The following AGBL4 variants were observed in gnomAD, a reference collection of about 807,000 sequenced individuals.
The protein encoded by AGBL4 is AGBL carboxypeptidase 4.
In AGBL4, 58 loss-of-function variants were observed where a neutral mutation model predicts 66.4. The ratio of observed to expected loss-of-function variants is 0.87; its 90% confidence interval spans 0.71 to 1.09. The LOEUF is 1.09. Ranked by LOEUF, AGBL4 falls within the 50% of genes least tolerant of loss-of-function variation. The probability of loss-of-function intolerance (pLI) is 0.00; values close to 1 mark genes in which losing one functional copy is unlikely to be tolerated. For missense variants in AGBL4, 579 were observed against 631.0 expected (o/e 0.92, Z 0.88); for synonymous variants, 234 against 222.9 (o/e 1.05, Z -0.44).
intron 6 of AGBL4, chr1:48,761,305 C>T: frequency 6.5e-7 from 1 of 1,534,096 alleles, no homozygotes; most frequent in Non-Finnish European, 8.8e-7. Context: ...AATGCTCCAG[C>T]ATACCTCCAA....
chr1:48,609,754 A>T (rs907513182), intron 9 of AGBL4, among the ~76,000 whole-genome samples: 4 of 152,130 alleles, frequency 2.6e-5, no homozygotes, highest in African/African-American at 9.7e-5. Context: ...TTATTTCATG[A>T]TCTTCTCCAT....
chr1:49,616,078 T>C (rs1489108184), intron 3 of AGBL4, among the ~76,000 whole-genome samples: 1 of 152,098 alleles, frequency 6.6e-6, no homozygotes, highest in Non-Finnish European at 1.5e-5. Flanking sequence ...GGAGAAAAGG[T>C]GGTGGGAAGG....
chr1:49,485,556 A>C (rs1647048963), intron 3 of AGBL4, among the ~76,000 whole-genome samples: 1 of 151,556 alleles, frequency 6.6e-6, no homozygotes, highest in Admixed American at 6.6e-5. Flanking sequence ...ATGTATACAT[A>C]TGTAACTAAC....
At chr1:49,019,197 C>T (rs1376367796) in intron 5 of AGBL4, among the ~76,000 whole-genome samples, 1 of 152,172 alleles carries the variant, frequency 6.6e-6, no homozygotes, top group East Asian at 1.9e-4. Context: ...TGTGGAAAAA[C>T]TCTGCTCTTG....
intron 3 of AGBL4, among the ~76,000 whole-genome samples, chr1:49,271,252 C>A (rs1644051517): frequency 6.6e-6 from 1 of 152,036 alleles, no homozygotes; most frequent in South Asian, 2.1e-4. Flanking sequence ...AATAGATGGT[C>A]AGTTAAGAAG....
chr1:49,612,521 C>A (rs967535597), intron 3 of AGBL4, among the ~76,000 whole-genome samples: 6 of 151,986 alleles, frequency 3.9e-5, no homozygotes, highest in African/African-American at 1.2e-4. Context: ...GGAACTTAAG[C>A]AAATCAAACA....
intron 1 of AGBL4, among the ~76,000 whole-genome samples, chr1:49,931,692 A>T (rs1653380688): frequency 6.6e-6 from 1 of 152,192 alleles, no homozygotes; most frequent in African/African-American, 2.4e-5. Context: ...AATTTTCCAA[A>T]AATTGATCTA....
chr1:48,577,629 A>G (rs760173593), intron 11 of AGBL4, among the ~76,000 whole-genome samples: 1 of 152,110 alleles, frequency 6.6e-6, no homozygotes, highest in Non-Finnish European at 1.5e-5. Flanking sequence ...GCACATTTTG[A>G]TCTGGAGGTG....
chr1:48,961,406 A>G (rs1657965468), intron 5 of AGBL4, among the ~76,000 whole-genome samples: 1 of 152,164 alleles, frequency 6.6e-6, no homozygotes, highest in Admixed American at 6.5e-5. Flanking sequence ...CAAGCAATTG[A>G]TTTTCACAAT....
chr1:49,514,781 T>C lies in AGBL4; in HGVS notation c.282+182532A>G, dbSNP rs374460729. ...TGACAAACCTGACAAAAACAAGCAA[T>C]AGGGAAACGATTCCCAATTTAATAA... On this transcript the variant is annotated intron_variant, in intron 3 of 13. Coordinates refer to ENST00000371839, the MANE Select transcript of AGBL4 (RefSeq NM_032785.4). Among the ~76,000 whole-genome samples the C allele has an allele frequency of 5.3e-5, 8 of 152,158 alleles. No homozygotes were observed. In the East Asian group the frequency reaches 9.7e-4, roughly 18 times the overall value.
At chr1:49,935,309 T>C (rs376708877) in intron 1 of AGBL4, among the ~76,000 whole-genome samples, 1 of 152,202 alleles carries the variant, frequency 6.6e-6, no homozygotes, top group Non-Finnish European at 1.5e-5. Flanking sequence ...CCAGGCTTGC[T>C]TAGATAAACA....
At chr1:48,790,905 C>A (rs547554603) in intron 6 of AGBL4, among the ~76,000 whole-genome samples, 1 of 152,084 alleles carries the variant, frequency 6.6e-6, no homozygotes, top group Non-Finnish European at 1.5e-5. Flanking sequence ...CATTACAAGA[C>A]CTTATATCTG....
intron 2 of AGBL4, among the ~76,000 whole-genome samples, chr1:49,794,612 T>G (rs1644685222): frequency 6.6e-6 from 1 of 151,968 alleles, no homozygotes; most frequent in African/African-American, 2.4e-5. Context: ...TACACATCTC[T>G]GTTATAATAC....
chr1:48,647,357 G>T (rs751943181), intron 8 of AGBL4, among the ~76,000 whole-genome samples: 8 of 152,096 alleles, frequency 5.3e-5, no homozygotes, highest in African/African-American at 9.7e-5. Context: ...TGACTAATAG[G>T]CAATTACTAT....
intron 6 of AGBL4, among the ~76,000 whole-genome samples, chr1:48,738,799 C>T (rs909009572): frequency 3.3e-5 from 5 of 152,060 alleles, no homozygotes; most frequent in African/African-American, 1.2e-4. Context: ...AAAAGGGGTA[C>T]TAGTATTTTT....
intron 3 of AGBL4, among the ~76,000 whole-genome samples, chr1:49,380,238 A>T (rs887245977): frequency 2.6e-5 from 4 of 152,180 alleles, no homozygotes; most frequent in African/African-American, 9.6e-5. Context: ...TCATGAGTGA[A>T]CTCCCATTCA....
chr1:49,042,477 C>A (rs1643968812), intron 5 of AGBL4, among the ~76,000 whole-genome samples: 1 of 152,170 alleles, frequency 6.6e-6, no homozygotes, highest in African/African-American at 2.4e-5. Context: ...AGAACAAAGA[C>A]TTCATTTCTT....
At chr1:48,743,811 C>T (rs753363547) in intron 6 of AGBL4, among the ~76,000 whole-genome samples, 4 of 152,186 alleles carry the variant, frequency 2.6e-5, no homozygotes, top group African/African-American at 4.8e-5. Context: ...TTAACACATC[C>T]TAGACTTTGG....
intron 4 of AGBL4, among the ~76,000 whole-genome samples, chr1:49,132,427 G>A (rs963381590): frequency 1.3e-5 from 2 of 152,022 alleles, no homozygotes; most frequent in East Asian, 3.9e-4. Flanking sequence ...TCAGTGTCTG[G>A]GTAAAACTTT....
Sources: gnomAD v4.1 joint callset for allele counts (sites outside exome capture counted in the v4.1 genomes callset) on GRCh38, gnomAD v4.1.1 for gene constraint, MANE v1.5 for transcripts, NCBI Gene and HGNC (gene_info 2026-07-23, HGNC 2026-07-21) for gene names.